The following CNTNAP2 variants were observed in gnomAD, a reference collection of about 807,000 sequenced individuals.
CNTNAP2 encodes the protein contactin associated protein 2, also known as contactin-associated protein-like 2.
Under a neutral mutation model 155.2 loss-of-function variants are expected in CNTNAP2, and 98 were observed. The observed-to-expected ratio is 0.63, with a 90% CI of 0.54 to 0.75. CNTNAP2 has a LOEUF of 0.75. Ranked by LOEUF, CNTNAP2 falls within the 30% of genes least tolerant of loss-of-function variation. The pLI, the probability that CNTNAP2 is intolerant of heterozygous loss-of-function variation, is 0.00. For synonymous variants in CNTNAP2, 651 were observed against 631.2 expected, an observed-to-expected ratio of 1.03 and a Z score of -0.47; for missense variants, 1,727 against 1,688.1, an observed-to-expected ratio of 1.02 and a Z score of -0.40.
At chr7:147,949,126 A>G (rs1240459631) in intron 14 of CNTNAP2, among the ~76,000 whole-genome samples, 1 of 151,888 alleles carries the variant, frequency 6.6e-6, no homozygotes, top group South Asian at 2.1e-4. Flanking sequence ...GCTTGAACCC[A>G]AGAGGCGGAG....
chr7:147,576,167 ATG>A (rs916430082), intron 12 of CNTNAP2, among the ~76,000 whole-genome samples: 1 of 151,990 alleles, frequency 6.6e-6, no homozygotes, highest in African/African-American at 2.4e-5. Context: ...ATCAAGGGCC[ATG>A]TCTGTCTTGT....
At chr7:148,124,687 G>T (rs11975073) in intron 16 of CNTNAP2, among the ~76,000 whole-genome samples, 11,557 of 152,212 alleles carry the variant, frequency 0.076, 746 homozygotes, top group African/African-American at 0.17. Flanking sequence ...ATTAACTTTT[G>T]TAGTTTACAC....
intron 5 of CNTNAP2, among the ~76,000 whole-genome samples, chr7:147,118,593 G>C (rs1801036929): frequency 6.6e-6 from 1 of 151,338 alleles, no homozygotes. Flanking sequence ...GTAAATACAA[G>C]AGTCTGCAAA....
intron 9 of CNTNAP2, among the ~76,000 whole-genome samples, chr7:147,361,359 T>G (rs1364466593): frequency 6.6e-6 from 1 of 152,222 alleles, no homozygotes; most frequent in Non-Finnish European, 1.5e-5. Flanking sequence ...TTATTCAGTT[T>G]TGTGTGCATG....
At chr7:146,193,754 G>A (rs1798739805) in intron 1 of CNTNAP2, among the ~76,000 whole-genome samples, 1 of 152,170 alleles carries the variant, frequency 6.6e-6, no homozygotes, top group Non-Finnish European at 1.5e-5. Flanking sequence ...AATTTGGCAG[G>A]CAACTTGTAT....
chr7:147,901,241 A>G (rs1799863021), intron 13 of CNTNAP2, among the ~76,000 whole-genome samples: 1 of 152,140 alleles, frequency 6.6e-6, no homozygotes, highest in South Asian at 2.1e-4. Context: ...GCCTCCCTGA[A>G]TCCATTTTGC....
chr7:147,605,153 G>C (rs571409772), intron 12 of CNTNAP2, among the ~76,000 whole-genome samples: 39 of 152,138 alleles, frequency 2.6e-4, no homozygotes, highest in African/African-American at 8.9e-4. Flanking sequence ...ACTGCCTCTA[G>C]ACTGTATTAG....
At chr7:146,262,969 G>C (rs752527601) in intron 1 of CNTNAP2, among the ~76,000 whole-genome samples, 5 of 152,244 alleles carry the variant, frequency 3.3e-5, no homozygotes, top group Middle Eastern at 3.4e-3. Context: ...CAAAGTGGTG[G>C]GCTTGTGGGT....
At chr7:147,949,458 A>ATATATATATATATATATATATT (rs1433579404) in intron 14 of CNTNAP2, among the ~76,000 whole-genome samples, 91 of 137,368 alleles carry the variant, frequency 6.6e-4, no homozygotes, top group Non-Finnish European at 1.1e-3. Flanking sequence ...ATATATATAT[A>ATATATATATATATATATATATT]TTTTTTTTTT....
chr7:147,589,603 A>G (rs1232348975), intron 12 of CNTNAP2, among the ~76,000 whole-genome samples: 1 of 152,114 alleles, frequency 6.6e-6, no homozygotes, highest in Non-Finnish European at 1.5e-5. Flanking sequence ...AATGTGTATC[A>G]TGCTGTATAT....
At chr7:147,932,667 T>A (rs1800527523) in intron 14 of CNTNAP2, among the ~76,000 whole-genome samples, 1 of 152,122 alleles carries the variant, frequency 6.6e-6, no homozygotes, top group Non-Finnish European at 1.5e-5. Flanking sequence ...TTCTTGGATA[T>A]GACACCAAAA....
chr7:147,327,414 C>A (rs527616435), intron 9 of CNTNAP2, among the ~76,000 whole-genome samples: 1 of 152,142 alleles, frequency 6.6e-6, no homozygotes, highest in African/African-American at 2.4e-5. Context: ...CACCAGAATG[C>A]CTGCATTTCA....
intron 2 of CNTNAP2, among the ~76,000 whole-genome samples, chr7:146,786,541 A>G (rs943384322): frequency 6.6e-6 from 1 of 152,220 alleles, no homozygotes; most frequent in Non-Finnish European, 1.5e-5. Flanking sequence ...TACACCAAGA[A>G]TGAGCAATCA....
chr7:147,991,539 C>T (rs754137137), intron 15 of CNTNAP2, among the ~76,000 whole-genome samples: 162 of 151,956 alleles, frequency 1.1e-3, no homozygotes, highest in Non-Finnish European at 1.8e-3. Context: ...TCCTTTGTAC[C>T]TTGAAAATCC....
intron 1 of CNTNAP2, among the ~76,000 whole-genome samples, chr7:146,309,775 T>G (rs1324976339): frequency 1.3e-5 from 2 of 149,814 alleles, no homozygotes; most frequent in East Asian, 3.9e-4. Context: ...CACTCCAGCC[T>G]GGGTGACCCA....
In CNTNAP2 at chr7:147,376,097, T is replaced by TA. The variant is rs1318454703; in HGVS notation, c.1499-19506dup. ...ATATTTAGGAACTTTACTCTTTTAT[T>TA]AAAAAACAAATTAAAAGTTGCATCT... On this transcript the variant is annotated intron_variant, in intron 9 of 23. Transcript: ENST00000361727. Among the ~76,000 whole-genome samples, 8 of 152,162 alleles carry TA rather than the reference T, an allele frequency of 5.3e-5. No individual in the cohort carries two copies. In the East Asian group the frequency reaches 1.4e-3, roughly 26 times the overall value.
intron 1 of CNTNAP2, among the ~76,000 whole-genome samples, chr7:146,586,972 C>A (rs988480717): frequency 6.6e-6 from 1 of 151,604 alleles, no homozygotes; most frequent in Non-Finnish European, 1.5e-5. Flanking sequence ...AAGAATGACA[C>A]GATCATTCTT....
chr7:147,034,337 G>A (rs1799104190), intron 3 of CNTNAP2, among the ~76,000 whole-genome samples: 3 of 152,126 alleles, frequency 2.0e-5, no homozygotes, highest in Admixed American at 2.0e-4. Context: ...CCTCTTCACA[G>A]GGCAAGTGAT....
At chr7:147,378,625 G>A (rs1183771512) in intron 9 of CNTNAP2, among the ~76,000 whole-genome samples, 1 of 152,032 alleles carries the variant, frequency 6.6e-6, no homozygotes, top group Non-Finnish European at 1.5e-5. Context: ...GGTAAGGTGG[G>A]AAATGGTGAC....
Sources: allele counts gnomAD v4.1 joint callset (sites outside exome capture counted in the v4.1 genomes callset), GRCh38; gene constraint gnomAD v4.1.1; transcripts MANE v1.5; gene names NCBI Gene and HGNC (gene_info 2026-07-23, HGNC 2026-07-21).